Variants in ZNF644 observed in about 807,000 individuals in gnomAD.
ZNF644 encodes zinc finger motif enhancer binding protein 2.
Under a neutral mutation model 108.0 loss-of-function variants are expected in ZNF644, and 20 were observed. The ratio of observed to expected loss-of-function variants is 0.19; its 90% confidence interval spans 0.13 to 0.27. The LOEUF (loss-of-function observed/expected upper bound fraction) is 0.27. Ranked by LOEUF, ZNF644 falls within the 10% of genes least tolerant of loss-of-function variation. The pLI is 1.00. For missense variants in ZNF644, 1,338 were observed against 1,548.9 expected, an observed-to-expected ratio of 0.86 and a Z score of 2.29; for synonymous variants, 542 against 539.1, an observed-to-expected ratio of 1.01 and a Z score of -0.08.
chr1:90,993,309 T>C (rs918124856), intron 1 of ZNF644, among the ~76,000 whole-genome samples: 2 of 151,458 alleles, frequency 1.3e-5, no homozygotes, highest in Non-Finnish European at 2.9e-5. Flanking sequence ...CAGCTCAATA[T>C]AGGCCATCCT....
chr1:90,965,645 T>C (rs1047711885), intron 2 of ZNF644, among the ~76,000 whole-genome samples: 2 of 152,216 alleles, frequency 1.3e-5, no homozygotes, highest in Admixed American at 6.5e-5. Flanking sequence ...AATACTATTT[T>C]AATTACATAA....
intron 1 of ZNF644, among the ~76,000 whole-genome samples, chr1:90,991,921 T>C (rs1214644682): frequency 1.3e-5 from 2 of 152,016 alleles, no homozygotes; most frequent in Non-Finnish European, 2.9e-5. Context: ...AGCGGAAAAA[T>C]GTCCACCAAC....
intron 4 of ZNF644, among the ~76,000 whole-genome samples, chr1:90,931,591 A>C (rs1650732804): frequency 1.3e-5 from 2 of 152,150 alleles, no homozygotes; most frequent in Admixed American, 1.3e-4. Context: ...ATTTGAACCT[A>C]CCCAACAGAA....
chr1:90,918,266 C>T (rs534934419), intron 4 of ZNF644, 112 bp from the exon 5 acceptor site: 94 of 856,330 alleles, frequency 1.1e-4, no homozygotes, highest in Non-Finnish European at 1.6e-4. Context: ...AGAAAAAGTC[C>T]GCATTCATTT....
chr1:90,967,998 T>A (rs1278936619), intron 2 of ZNF644, among the ~76,000 whole-genome samples: 1 of 146,482 alleles, frequency 6.8e-6, no homozygotes, highest in Admixed American at 6.9e-5. Flanking sequence ...GAGGCGGAGG[T>A]TGCAGTGTGC....
At chr1:90,960,392 G>A (rs915271718) in intron 2 of ZNF644, among the ~76,000 whole-genome samples, 1 of 152,124 alleles carries the variant, frequency 6.6e-6, no homozygotes, top group Admixed American at 6.6e-5. Flanking sequence ...AAATGTATGG[G>A]TGAAAGACAT....
rs199875887 is a variant in ZNF644 at position 90,916,871 on chromosome 1, G to A, written c.3911C>T (p.Thr1304Met). The A allele has an allele frequency of 5.0e-6, 8 of 1,614,132 alleles. No homozygotes were observed. The highest frequency in any genetic ancestry group is 1.1e-5 in the South Asian group (1 of 91,082). The change falls in exon 6 of 6, where the codon ACG (threonine) becomes ATG (methionine). Residue 1304 changes from threonine (T) to methionine (M), a missense_variant. Thr to Met is a moderately conservative substitution (Grantham distance 81). This residue lies in a region of ZNF644 where 34 missense variants were observed against 78.6 expected (regional missense o/e 0.43). Transcript: ENST00000337393. ...GGAGGCAGGCTTTTTAAGTAGTGAC[G>A]TGACTTCCACCATGCCAGCTCCAGT... is the stretch of plus-strand genomic sequence containing the variant. Reference protein sequence around the residue: ...PRTGAGMVEVTSLLKKPASIT... With the variant: ...PRTGAGMVEVMSLLKKPASIT...
chr1:90,958,248 A>G (rs1019167071), intron 2 of ZNF644, among the ~76,000 whole-genome samples: 124 of 150,924 alleles, frequency 8.2e-4, no homozygotes, highest in Middle Eastern at 3.4e-3. Flanking sequence ...AAAAAAAAAA[A>G]AAAAAAAAAG....
intron 1 of ZNF644, among the ~76,000 whole-genome samples, chr1:91,013,379 T>A (rs995099912): frequency 6.6e-6 from 1 of 151,834 alleles, no homozygotes; most frequent in Non-Finnish European, 1.5e-5. Flanking sequence ...CCCAGTTAAT[T>A]CAGTATTTAT....
At position 90,936,848 on chromosome 1, in the gene ZNF644, C is replaced by T. The variant is rs553049804; in HGVS notation, c.3688+637G>A. On this transcript the variant is annotated intron_variant, in intron 4 of 5. Transcript: ENST00000337393. ...ACCAGCACTAAGCTAAATCATCTGTCCTGTTCCATTAGAGCACTATCTTAA... is the reference window on the plus strand; with the variant it reads ...ACCAGCACTAAGCTAAATCATCTGTTCTGTTCCATTAGAGCACTATCTTAA... 4.6e-5 allele frequency among the ~76,000 whole-genome samples: 7 copies of T among 152,294 alleles called. No homozygotes were observed. In the East Asian group the frequency reaches 1.4e-3, roughly 29 times the overall value.
At chr1:90,948,686 C>T (rs78511209) in intron 2 of ZNF644, among the ~76,000 whole-genome samples, 4 of 152,018 alleles carry the variant, frequency 2.6e-5, no homozygotes, top group Admixed American at 6.6e-5. Context: ...CTATATTCAT[C>T]GAAAAAAATC....
intron 1 of ZNF644, among the ~76,000 whole-genome samples, chr1:91,001,514 T>C (rs1245114061): frequency 6.6e-6 from 1 of 152,092 alleles, no homozygotes; most frequent in African/African-American, 2.4e-5. Context: ...CTCAATAAAT[T>C]AGGTATTGAT....
At chr1:90,933,839 C>CA (rs1224440488) in intron 4 of ZNF644, among the ~76,000 whole-genome samples, 1 of 152,158 alleles carries the variant, frequency 6.6e-6, no homozygotes, top group Admixed American at 6.5e-5. Flanking sequence ...ATTTGAATTA[C>CA]AACCTTGCTA....
chr1:90,951,872 C>G (rs1653208119), intron 2 of ZNF644, among the ~76,000 whole-genome samples: 1 of 152,138 alleles, frequency 6.6e-6, no homozygotes, highest in Non-Finnish European at 1.5e-5. Flanking sequence ...CGCAAATGCT[C>G]CAGTGTGTAA....
intron 1 of ZNF644, among the ~76,000 whole-genome samples, chr1:91,009,424 T>A (rs1659741388): frequency 6.6e-6 from 1 of 152,136 alleles, no homozygotes; most frequent in South Asian, 2.1e-4. Flanking sequence ...AACCATAAGG[T>A]ACACTCAATT....
chr1:91,010,236 CT>C (rs577966817), intron 1 of ZNF644, among the ~76,000 whole-genome samples: 17,710 of 129,770 alleles, frequency 0.14, 1,183 homozygotes, highest in Middle Eastern at 0.26. Flanking sequence ...ATGTCTGTGC[CT>C]TTTTTTTTTT....
In ZNF644 at chr1:90,979,406, G is replaced by A. The variant is rs756369408; in HGVS notation, c.44+2904C>T. 2.0e-5 allele frequency among the ~76,000 whole-genome samples: 3 copies of A among 152,304 alleles called. No individual in the cohort carries two copies. In the South Asian group the frequency reaches 6.2e-4, roughly 32 times the overall value. On this transcript the variant is annotated intron_variant, in intron 2 of 5. Transcript: ENST00000337393. Reference sequence around the variant, plus strand: ...GAGAATTGCTTGAACCTGGGAGGCAGAGGTTGCAGTGAGCTGAGACTGTGC... The same window carrying A: ...GAGAATTGCTTGAACCTGGGAGGCAAAGGTTGCAGTGAGCTGAGACTGTGC...
At chr1:90,984,425 T>C (rs1301287276) in intron 1 of ZNF644, among the ~76,000 whole-genome samples, 3 of 151,582 alleles carry the variant, frequency 2.0e-5, no homozygotes, top group African/African-American at 7.3e-5. Context: ...TTACCCAATA[T>C]GACTGGTGTC....
At chr1:90,986,500 T>G (rs1250504260) in intron 1 of ZNF644, among the ~76,000 whole-genome samples, 1 of 152,052 alleles carries the variant, frequency 6.6e-6, no homozygotes, top group Non-Finnish European at 1.5e-5. Flanking sequence ...ATTGGTTCAT[T>G]AACTGTAACA....
Sources: allele counts gnomAD v4.1 joint callset (sites outside exome capture counted in the v4.1 genomes callset), GRCh38; gene constraint gnomAD v4.1.1; regional missense constraint gnomAD v4.1.1; transcripts MANE v1.5; gene names NCBI Gene and HGNC (gene_info 2026-07-23, HGNC 2026-07-21).